The following MAST2 variants were observed in gnomAD, a reference collection of about 807,000 sequenced individuals.
MAST2 encodes microtubule-associated serine/threonine-protein kinase 2.
Under a neutral mutation model 147.4 loss-of-function variants are expected in MAST2, and 70 were observed. The observed-to-expected ratio is 0.47, with a 90% confidence interval of 0.39 to 0.58. The LOEUF (loss-of-function observed/expected upper bound fraction) is 0.58. Among genes scored for constraint, MAST2 ranks in the 20% least tolerant of loss-of-function variants. The probability of loss-of-function intolerance (pLI) is 0.00; values close to 1 mark genes in which losing one functional copy is unlikely to be tolerated. For synonymous variants in MAST2, 869 were observed against 896.8 expected, an observed-to-expected ratio of 0.97 and a Z score of 0.55; for missense variants, 2,080 against 2,302.3, an observed-to-expected ratio of 0.90 and a Z score of 1.98.
intron 5 of MAST2, among the ~76,000 whole-genome samples, chr1:45,967,822 A>G (rs1195910878): frequency 6.6e-6 from 1 of 152,174 alleles, no homozygotes; most frequent in African/African-American, 2.4e-5. Context: ...ATACCACTAT[A>G]CCACTTTGCC....
intron 3 of MAST2, among the ~76,000 whole-genome samples, chr1:45,873,451 G>A (rs905816679): frequency 1.3e-5 from 2 of 152,040 alleles, no homozygotes; most frequent in Admixed American, 1.3e-4. Context: ...TCCTGCCTCA[G>A]CCTCCCAAAG....
At chr1:45,923,285 C>G (rs1051965076) in intron 4 of MAST2, among the ~76,000 whole-genome samples, 6 of 152,202 alleles carry the variant, frequency 3.9e-5, no homozygotes, top group African/African-American at 1.4e-4. Flanking sequence ...GGCGTCTGCA[C>G]CGGAAGACCC....
intron 10 of MAST2, among the ~76,000 whole-genome samples, chr1:46,016,250 A>C (rs920930247): frequency 3.1e-5 from 4 of 127,080 alleles, no homozygotes; most frequent in Admixed American, 8.4e-5. Context: ...AACTGGAAGC[A>C]TTCCCTTTGA....
chr1:45,950,443 C>G (rs1183350868), intron 4 of MAST2, among the ~76,000 whole-genome samples: 5 of 152,140 alleles, frequency 3.3e-5, no homozygotes, highest in East Asian at 1.9e-4. Flanking sequence ...ATAAAAAGAA[C>G]TTTCTTAATC....
intron 5 of MAST2, among the ~76,000 whole-genome samples, chr1:45,985,561 T>C (rs1477090557): frequency 6.6e-6 from 1 of 152,252 alleles, no homozygotes; most frequent in African/African-American, 2.4e-5. Context: ...TAGAATTTTA[T>C]CTAAATGGAG....
chr1:45,986,924 A>G (rs754924512), intron 5 of MAST2, among the ~76,000 whole-genome samples: 5 of 152,086 alleles, frequency 3.3e-5, no homozygotes, highest in African/African-American at 7.2e-5. Context: ...CTCCTCTTCA[A>G]TTTTCTGGAA....
intron 4 of MAST2, among the ~76,000 whole-genome samples, chr1:45,899,747 G>A (rs1235203197): frequency 6.6e-6 from 1 of 151,744 alleles, no homozygotes; most frequent in Non-Finnish European, 1.5e-5. Context: ...TTTGTATTGT[G>A]AATAGTGCTG....
intron 6 of MAST2, among the ~76,000 whole-genome samples, chr1:45,998,389 G>C (rs1275025902): frequency 6.6e-6 from 1 of 152,224 alleles, no homozygotes; most frequent in Non-Finnish European, 1.5e-5. Context: ...TCCCTCTTGA[G>C]AGTGATAACA....
At chr1:45,972,532 A>AT (rs1643956119) in intron 5 of MAST2, among the ~76,000 whole-genome samples, 1 of 152,260 alleles carries the variant, frequency 6.6e-6, no homozygotes, top group Admixed American at 6.5e-5. Context: ...TGACGGCTAC[A>AT]TCCCTTACAG....
chr1:46,006,465 G>GCA (rs987430816), intron 8 of MAST2, 70 bp downstream of exon 8: 1 of 1,492,246 alleles, frequency 6.7e-7, no homozygotes. Context: ...ACAGAGGTGG[G>GCA]CACACTATGC....
chr1:45,971,775 T>G (rs1643922159), intron 5 of MAST2, among the ~76,000 whole-genome samples: 1 of 152,214 alleles, frequency 6.6e-6, no homozygotes, highest in Non-Finnish European at 1.5e-5. Context: ...TCATCAATGC[T>G]ACAGAAACAT....
intron 4 of MAST2, among the ~76,000 whole-genome samples, chr1:45,946,930 G>A (rs1658124411): frequency 1.3e-5 from 2 of 152,072 alleles, no homozygotes; most frequent in African/African-American, 2.4e-5. Context: ...ACTTATTGCT[G>A]TCCTCTCGTC....
intron 5 of MAST2, among the ~76,000 whole-genome samples, chr1:45,962,531 G>A (rs1207908536): frequency 1.3e-5 from 2 of 152,192 alleles, no homozygotes; most frequent in African/African-American, 4.8e-5. Flanking sequence ...GTGATGATGA[G>A]CATTTTTTCA....
At chr1:45,929,956 A>G (rs1655007216) in intron 4 of MAST2, among the ~76,000 whole-genome samples, 1 of 152,200 alleles carries the variant, frequency 6.6e-6, no homozygotes, top group South Asian at 2.1e-4. Flanking sequence ...GCAGTTTAAG[A>G]TAATGTCTAT....
At chr1:45,982,432 C>T (rs767878257) in intron 5 of MAST2, among the ~76,000 whole-genome samples, 39 of 152,132 alleles carry the variant, frequency 2.6e-4, no homozygotes, top group Middle Eastern at 6.8e-3. Flanking sequence ...AGATAGAGGC[C>T]GGGAGATTGA....
At chr1:45,811,166 CTTT>C (rs375439362) in intron 1 of MAST2, among the ~76,000 whole-genome samples, 3 of 127,882 alleles carry the variant, frequency 2.3e-5, no homozygotes, top group Admixed American at 7.9e-5. Flanking sequence ...CAGTATATTT[CTTT>C]TTTTTTTTTT....
chr1:45,820,876 A>T (rs1468267356), intron 1 of MAST2, among the ~76,000 whole-genome samples: 3 of 119,518 alleles, frequency 2.5e-5, no homozygotes, highest in Non-Finnish European at 3.6e-5. Flanking sequence ...CCTCGATTTC[A>T]ATTTCTCTTT....
chr1:45,961,293 T>C (rs969951505), intron 5 of MAST2, among the ~76,000 whole-genome samples: 1 of 152,232 alleles, frequency 6.6e-6, no homozygotes, highest in African/African-American at 2.4e-5. Context: ...TCCTAGATTT[T>C]TAGAGAAACT....
chr1:46,030,447 A>G, intron 21 of MAST2, 160 bp from the exon 22 acceptor site: 1 of 920,278 alleles, frequency 1.1e-6, no homozygotes, highest in Non-Finnish European at 1.6e-6. Flanking sequence ...AGGTCAGATC[A>G]GTGGAATAAC....
Sources: allele counts gnomAD v4.1 joint callset (sites outside exome capture counted in the v4.1 genomes callset), GRCh38; gene constraint gnomAD v4.1.1; transcripts MANE v1.5; gene names NCBI Gene and HGNC (gene_info 2026-07-23, HGNC 2026-07-21).